GPR61: variants seen among roughly 807,000 people sequenced by gnomAD.
GPR61 encodes G protein-coupled receptor 61, also known as G-protein coupled receptor 61.
A neutral mutation model predicts 29.2 loss-of-function variants in GPR61; 15 were observed. The observed-to-expected ratio is 0.51, with a 90% confidence interval of 0.34 to 0.79. GPR61 has a LOEUF of 0.79. GPR61 is among the 30% of genes least tolerant of loss of function. GPR61 has a pLI of 0.01. For synonymous variants in GPR61, 238 were observed against 242.3 expected (o/e 0.98, Z 0.17); for missense variants, 399 against 582.5 (o/e 0.69, Z 3.24).
rs1647723352 is a variant in GPR61, at chr1:109,543,994, T to C, written c.972T>C (p.Ser324=). Residue 324 remains serine, a synonymous_variant, in exon 2 of 2, where the codon AGT becomes AGC. Transcript: ENST00000527748. The surrounding 1 kb of genome is among the most constrained non-coding windows in gnomAD (Gnocchi z 6.8). Reference sequence around the variant, plus strand: ...CCATTTCAACTGGGCAGGTGGAGAGTGTGGTCACCTGGATTGGCTACTTTT... The same window carrying C: ...CCATTTCAACTGGGCAGGTGGAGAGCGTGGTCACCTGGATTGGCTACTTTT... ...AQPISTGQVE[S]VVTWIGYFCF... is the part of the protein sequence containing the mutation. 1.9e-6 allele frequency: 3 copies of C among 1,614,018 alleles called. No individual in the cohort carries two copies. The South Asian group carries it at 3.3e-5, about 18-fold the overall frequency.
Position 109,542,972 on chromosome 1 carries a change from TG to T in GPR61, c.-46del. On this transcript the variant is annotated 5_prime_UTR_variant, in exon 2 of 2. The change creates a premature stop within an existing upstream ORF in the 5' untranslated region. Coordinates refer to ENST00000527748, the MANE Select transcript of GPR61 (RefSeq NM_001393907.1). ...CCATCCCAGGGTCGCTGGACTAGGA[TG>T]GGGGATGGGCCTGTGACAGGAGGTA... 1.3e-6 allele frequency: 2 copies of T among 1,553,956 alleles called. No homozygotes were observed. The highest frequency in any genetic ancestry group is 1.7e-6 in the Non-Finnish European group (2 of 1,147,250).
chr1:109,544,287 C>A lies in GPR61; in HGVS notation c.1265C>A (p.Thr422Asn), dbSNP rs1171983409. Residue 422 changes from threonine (T) to asparagine (N), a missense_variant, in exon 2 of 2, where the codon ACC becomes AAC. Physicochemically the swap from Thr to Asn is moderately conservative, Grantham distance 65. Coordinates refer to ENST00000527748, the MANE Select transcript of GPR61 (RefSeq NM_001393907.1). This position sits in a 1 kb window ranked among gnomAD's most constrained non-coding sequence, Gnocchi z 4.6. ...ATCCCAGGCCAGATAGCTGAGGAGA[C>A]CTCTGAGTTCCTGGAGCAGCAACTC... ...FRIPGQIAEE[T>N]SEFLEQQLTS... 1.2e-6 allele frequency: 2 copies of A among 1,613,738 alleles called. No homozygotes were observed. Among genetic ancestry groups the A allele is most frequent in the East Asian group, 2.2e-5 (1 of 44,886 alleles).
rs902827390 is a variant in GPR61 at position 109,545,657 on chromosome 1, T to A, written c.*1279T>A. Reference sequence around the variant, plus strand: ...ACACCCATCTGGGACCACCTGTCCATCCTACTTCCCTCAATTGAATCAGGT... The same window carrying A: ...ACACCCATCTGGGACCACCTGTCCAACCTACTTCCCTCAATTGAATCAGGT... On this transcript the variant is annotated 3_prime_UTR_variant, in exon 2 of 2. Transcript: ENST00000527748. 6.6e-6 allele frequency: 1 copy of A among 152,168 alleles called. No homozygotes were observed. Among genetic ancestry groups the A allele is most frequent in the Admixed American group, 6.5e-5 (1 of 15,272 alleles). 9.4% of individuals were successfully genotyped at this position (152,168 alleles called of 1,614,324 possible). A position where few individuals can be genotyped will look rare whatever the true frequency, so the allele number is the denominator to read the frequency against.
chr1:109,543,144 C>G lies in GPR61; in HGVS notation c.122C>G (p.Ser41Trp). ...VPEVGLRDVASESVALFFMLL... is the reference protein window; with the variant it reads ...VPEVGLRDVAWESVALFFMLL... Reference sequence around the variant, plus strand: ...GAGGTGGGGCTACGGGATGTTGCTTCGGAATCTGTGGCCCTCTTCTTCATG... The same window carrying G: ...GAGGTGGGGCTACGGGATGTTGCTTGGGAATCTGTGGCCCTCTTCTTCATG... Residue 41 changes from serine (S) to tryptophan (W), a missense_variant, in exon 2 of 2, where the codon TCG (serine) becomes TGG (tryptophan). Physicochemically the swap from Ser to Trp is radical, Grantham distance 177. Coordinates refer to ENST00000527748, the MANE Select transcript of GPR61 (RefSeq NM_001393907.1). This position sits in a 1 kb window ranked among gnomAD's most constrained non-coding sequence, Gnocchi z 6.8. 6.2e-7 allele frequency: 1 copy of G among 1,605,372 alleles called. No homozygotes were observed. Among genetic ancestry groups the G allele is most frequent in the Non-Finnish European group, 8.5e-7 (1 of 1,174,714 alleles).
chr1:109,543,115 C>G lies in GPR61; in HGVS notation c.93C>G (p.Val31=). The G allele has an allele frequency of 6.3e-7, 1 of 1,583,702 alleles. No homozygotes were observed. The highest frequency in any genetic ancestry group is 1.2e-5 in the South Asian group (1 of 84,416). ...QTPGPSTASG[V]PEVGLRDVAS... The stretch of plus-strand genomic sequence containing the variant: ...CAGGTCCCTCTACTGCCAGTGGGGT[C>G]CCGGAGGTGGGGCTACGGGATGTTG... The change falls in exon 2 of 2, where the codon GTC becomes GTG. Residue 31 remains valine, a synonymous_variant. Transcript: ENST00000527748. The surrounding 1 kb of genome is among the most constrained non-coding windows in gnomAD (Gnocchi z 6.8).
chr1:109,542,495 A>G lies in GPR61; in HGVS notation c.-528A>G, dbSNP rs1308344691. The G allele has an allele frequency of 3.0e-6, 1 of 330,528 alleles. No individual in the cohort carries two copies. Among genetic ancestry groups the G allele is most frequent in the Non-Finnish European group, 6.1e-6 (1 of 163,134 alleles). The allele number at this position is 330,528 out of a possible 1,614,324, so 20.5% of individuals were successfully genotyped here. A position where few individuals can be genotyped will look rare whatever the true frequency, so the allele number is the denominator to read the frequency against. On this transcript the variant is annotated 5_prime_UTR_variant, in exon 2 of 2. An upstream open reading frame in the 5' UTR loses its in-frame stop. Transcript: ENST00000527748. ...TGCCCAGAACTGGGACTAGAAACTA[A>G]ATTTTGTGCTCCTTCTACTCCCCAG... is the stretch of plus-strand genomic sequence containing the variant.
chr1:109,544,057 C>T lies in GPR61; in HGVS notation c.1035C>T (p.Asn345=). ...TSNPFFYGCL[N]RQIRGELSKQ... is the part of the protein sequence containing the mutation. ...ACCCTTTCTTCTATGGATGTCTCAACCGGCAGATCCGGGGGGAGCTCAGCA... is the reference window on the plus strand; with the variant it reads ...ACCCTTTCTTCTATGGATGTCTCAATCGGCAGATCCGGGGGGAGCTCAGCA... The change falls in exon 2 of 2, where the codon AAC becomes AAT. Residue 345 remains asparagine, a synonymous_variant. Transcript: ENST00000527748. This position sits in a 1 kb window ranked among gnomAD's most constrained non-coding sequence, Gnocchi z 4.6. The T allele has an allele frequency of 6.2e-7, 1 of 1,614,232 alleles. No homozygotes were observed. Among genetic ancestry groups the T allele is most frequent in the Non-Finnish European group, 8.5e-7 (1 of 1,180,040 alleles).
At position 109,544,150 on chromosome 1, in the gene GPR61, C is replaced by T; in HGVS notation, c.1128C>T (p.Ser376=). 1 of 1,614,122 alleles carries T rather than the reference C, an allele frequency of 6.2e-7. No homozygotes were observed. The highest frequency in any genetic ancestry group is 8.5e-7 in the Non-Finnish European group (1 of 1,179,984). The part of the protein sequence containing the change: ...EELRLPSREG[S]IEENFLQFLQ... The stretch of plus-strand genomic sequence containing the variant: ...TGAGGCTGCCTAGCCGGGAGGGCTC[C>T]ATTGAGGAGAACTTCCTGCAGTTCC... Residue 376 remains serine, a synonymous_variant, in exon 2 of 2, where the codon TCC becomes TCT. Transcript: ENST00000527748. The surrounding 1 kb of genome is among the most constrained non-coding windows in gnomAD (Gnocchi z 4.6).
At position 109,544,463 on chromosome 1, in the gene GPR61, T is replaced by G. The variant is rs774820262; in HGVS notation, c.*85T>G. 2.9e-6 allele frequency: 3 copies of G among 1,025,564 alleles called. No individual in the cohort carries two copies. Among genetic ancestry groups the G allele is most frequent in the Non-Finnish European group, 4.4e-6 (3 of 688,738 alleles). 63.5% of individuals were successfully genotyped at this position (1,025,564 alleles called of 1,614,324 possible). ...CCTTGTGGGATCACCTTTTCCCAGC[T>G]GGCTAGGGCTGAGGCTGGGGTCTCT... On this transcript the variant is annotated 3_prime_UTR_variant, in exon 2 of 2. Transcript: ENST00000527748. This position sits in a 1 kb window ranked among gnomAD's most constrained non-coding sequence, Gnocchi z 4.6.
Position 109,544,354 on chromosome 1 carries a change from C to A in GPR61, c.1332C>A (p.Ala444=). The change falls in exon 2 of 2, where the codon GCC becomes GCA. Residue 444 remains alanine (A), a synonymous_variant. Coordinates refer to ENST00000527748, the MANE Select transcript of GPR61 (RefSeq NM_001393907.1). The surrounding 1 kb of genome is among the most constrained non-coding windows in gnomAD (Gnocchi z 4.6). ...TGTCAGACAGCTACCTCCGTCCTGCCGCCTCACCCCGGCTGGAGTCATGAT... is the reference window on the plus strand; with the variant it reads ...TGTCAGACAGCTACCTCCGTCCTGCAGCCTCACCCCGGCTGGAGTCATGAT... ...IIMSDSYLRP[A]ASPRLES 6.2e-7 allele frequency: 1 copy of A among 1,612,592 alleles called. No individual in the cohort carries two copies. The highest frequency in any genetic ancestry group is 8.5e-7 in the Non-Finnish European group (1 of 1,179,342).
At position 109,544,301 on chromosome 1, in the gene GPR61, G is replaced by A. The variant is rs990064857; in HGVS notation, c.1279G>A (p.Glu427Lys). Residue 427 changes from glutamate (E) to lysine (K), a missense_variant, in exon 2 of 2, where the codon GAG becomes AAG. Coordinates refer to ENST00000527748, the MANE Select transcript of GPR61 (RefSeq NM_001393907.1). This position sits in a 1 kb window ranked among gnomAD's most constrained non-coding sequence, Gnocchi z 4.6. Reference protein sequence around the residue: ...QIAEETSEFLEQQLTSDIIMS... With the variant: ...QIAEETSEFLKQQLTSDIIMS... ...AGCTGAGGAGACCTCTGAGTTCCTG[G>A]AGCAGCAACTCACCAGCGACATCAT... is the stretch of plus-strand genomic sequence containing the variant. The A allele has an allele frequency of 1.9e-6, 3 of 1,613,540 alleles. No individual in the cohort carries two copies. Among genetic ancestry groups the A allele is most frequent in the Non-Finnish European group, 2.5e-6 (3 of 1,179,924 alleles).
chr1:109,543,932 TTC>T lies in GPR61; in HGVS notation c.914_915del (p.Ser305PhefsTer67), dbSNP rs1426761479. ...GQFLLCWLPY[F>X]SFHLYVALSA... ...GTTCCTGCTCTGTTGGTTGCCCTAC[TTC>T]TCTTTCCACCTCTATGTTGCCCTGA... is the stretch of plus-strand genomic sequence containing the variant. On this transcript the variant is annotated frameshift_variant, in exon 2 of 2. Transcript: ENST00000527748. LOFTEE classifies it high-confidence loss of function. The surrounding 1 kb of genome is among the most constrained non-coding windows in gnomAD (Gnocchi z 6.8). 1 of 1,614,194 alleles carries T rather than the reference TTC, an allele frequency of 6.2e-7. No homozygotes were observed. The highest frequency in any genetic ancestry group is 8.5e-7 in the Non-Finnish European group (1 of 1,180,038).
rs778715255 is a variant in GPR61, at chr1:109,544,186, T to G, written c.1164T>G (p.Thr388=). 2.5e-6 allele frequency: 4 copies of G among 1,614,138 alleles called. No homozygotes were observed. Among genetic ancestry groups the G allele is most frequent in the Non-Finnish European group, 3.4e-6 (4 of 1,180,032 alleles). ...EENFLQFLQG[T]GCPSESWVSR... is the part of the protein sequence containing the mutation. The stretch of plus-strand genomic sequence containing the variant: ...ACTTCCTGCAGTTCCTTCAGGGGAC[T>G]GGCTGTCCTTCTGAGTCCTGGGTTT... The change falls in exon 2 of 2, where the codon ACT becomes ACG. Residue 388 remains threonine, a synonymous_variant. Coordinates refer to ENST00000527748, the MANE Select transcript of GPR61 (RefSeq NM_001393907.1). This position sits in a 1 kb window ranked among gnomAD's most constrained non-coding sequence, Gnocchi z 4.6.
In GPR61 at chr1:109,542,672, A is replaced by G. The variant is rs755336167; in HGVS notation, c.-351A>G. 4.0e-6 allele frequency: 2 copies of G among 499,956 alleles called. No homozygotes were observed. The highest frequency in any genetic ancestry group is 1.5e-5 in the South Asian group (1 of 64,966). 31.0% of individuals were successfully genotyped at this position (499,956 alleles called of 1,614,324 possible). A position where few individuals can be genotyped will look rare whatever the true frequency, so the allele number is the denominator to read the frequency against. ...ACAGTTCTGGAAAGGGTAGAAGGGT[A>G]TGGAGAACAAGAATGGCAGAAAGGA... On this transcript the variant is annotated 5_prime_UTR_variant, in exon 2 of 2. It removes an upstream start codon present in the reference 5' UTR. Coordinates refer to ENST00000527748, the MANE Select transcript of GPR61 (RefSeq NM_001393907.1).
chr1:109,543,729 G>C lies in GPR61; in HGVS notation c.707G>C (p.Arg236Pro). The change falls in exon 2 of 2, where the codon CGC becomes CCC. Residue 236 changes from arginine (R) to proline (P), a missense_variant. By Grantham distance (103) the Arg-to-Pro change is moderately radical. This residue lies in a region of GPR61 where 320 missense variants were observed against 459.8 expected (regional missense o/e 0.70). Transcript: ENST00000527748. This position sits in a 1 kb window ranked among gnomAD's most constrained non-coding sequence, Gnocchi z 6.8. ...VVYCSMFRVA[R>P]VAAMQHGPLP... ...TACTGCAGCATGTTCCGAGTGGCCCGCGTGGCTGCCATGCAGCACGGGCCG... is the reference window on the plus strand; with the variant it reads ...TACTGCAGCATGTTCCGAGTGGCCCCCGTGGCTGCCATGCAGCACGGGCCG... 1 of 1,613,202 alleles carries C rather than the reference G, an allele frequency of 6.2e-7. No homozygotes were observed. The highest frequency in any genetic ancestry group is 1.1e-5 in the South Asian group (1 of 91,078).
chr1:109,545,735 A>T lies in GPR61; in HGVS notation c.*1357A>T, dbSNP rs558387473. The stretch of plus-strand genomic sequence containing the variant: ...AGGGTGGTGTGGTCTCTATTTGAAC[A>T]AATTCCTGGCTCACTGAGCATCAAA... On this transcript the variant is annotated 3_prime_UTR_variant, in exon 2 of 2. Coordinates refer to ENST00000527748, the MANE Select transcript of GPR61 (RefSeq NM_001393907.1). 22 of 152,352 alleles carry T rather than the reference A, an allele frequency of 1.4e-4. No homozygotes were observed. Among genetic ancestry groups the T allele is most frequent in the African/African-American group, 5.3e-4 (22 of 41,574 alleles). 9.4% of individuals were successfully genotyped at this position (152,352 alleles called of 1,614,324 possible). A position where few individuals can be genotyped will look rare whatever the true frequency, so the allele number is the denominator to read the frequency against.
In GPR61 at chr1:109,543,346, C is replaced by A; in HGVS notation, c.324C>A (p.Ala108=). ...MLSSSALFDH[A]LFGEVACRLY... is the part of the protein sequence containing the mutation. ...CCAGCTCTGCCCTCTTTGACCACGC[C>A]CTCTTTGGGGAGGTGGCCTGCCGCC... Residue 108 remains alanine (A), a synonymous_variant, in exon 2 of 2, where the codon GCC becomes GCA. Coordinates refer to ENST00000527748, the MANE Select transcript of GPR61 (RefSeq NM_001393907.1). This position sits in a 1 kb window ranked among gnomAD's most constrained non-coding sequence, Gnocchi z 6.8. The A allele has an allele frequency of 6.2e-7, 1 of 1,613,400 alleles. No homozygotes were observed. The highest frequency in any genetic ancestry group is 8.5e-7 in the Non-Finnish European group (1 of 1,179,972).
intron 1 of GPR61, among the ~76,000 whole-genome samples, chr1:109,541,413 C>A (rs903997043): frequency 6.6e-6 from 1 of 152,190 alleles, no homozygotes; most frequent in Non-Finnish European, 1.5e-5. Context: ...ATTCAATTCA[C>A]AAAATTGTAT....
rs752142287 is a variant in GPR61 at position 109,543,567 on chromosome 1, T to A, written c.545T>A (p.Val182Asp). 12 of 1,613,748 alleles carry A rather than the reference T, an allele frequency of 7.4e-6. No individual in the cohort carries two copies. Among genetic ancestry groups the A allele is most frequent in the Non-Finnish European group, 1.0e-5 (12 of 1,179,900 alleles). Residue 182 changes from valine to aspartate, a missense_variant, in exon 2 of 2, where the codon GTC (valine) becomes GAC (aspartate). By Grantham distance (152) the Val-to-Asp change is radical. Coordinates refer to ENST00000527748, the MANE Select transcript of GPR61 (RefSeq NM_001393907.1). The surrounding 1 kb of genome is among the most constrained non-coding windows in gnomAD (Gnocchi z 6.8). ...AMASVPVLGR[V>D]SWEEGAPSVP... ...GCTTCTGTGCCAGTGTTGGGAAGGG[T>A]CTCCTGGGAGGAAGGAGCTCCCAGT...
Sources: allele counts gnomAD v4.1 joint callset (sites outside exome capture counted in the v4.1 genomes callset), GRCh38; gene constraint gnomAD v4.1.1; regional missense constraint gnomAD v4.1.1; non-coding constraint Gnocchi (gnomAD v3.1); transcripts MANE v1.5; gene names NCBI Gene and HGNC (gene_info 2026-07-23, HGNC 2026-07-21).